The following JADE3 variants were observed in gnomAD, a reference collection of about 807,000 sequenced individuals.
The protein encoded by JADE3 is protein Jade-3.
In JADE3, 2 loss-of-function variants were observed where a neutral mutation model predicts 50.1. That is an observed-to-expected ratio of 0.04 (90% CI 0.02 to 0.13). The LOEUF (loss-of-function observed/expected upper bound fraction) is 0.13, where lower values mean the gene tolerates loss of function less well. Among genes scored for constraint, JADE3 ranks in the 10% least tolerant of loss-of-function variants. JADE3 has a pLI of 1.00. For synonymous variants in JADE3, 218 were observed against 232.9 expected, an observed-to-expected ratio of 0.94 and a Z score of 0.58; for missense variants, 475 against 634.4, an observed-to-expected ratio of 0.75 and a Z score of 2.70.
At chrX:47,017,222 C>T (rs1255707639) in intron 4 of JADE3, among the ~76,000 whole-genome samples, 3 of 111,118 alleles carry the variant, frequency 2.7e-5, no homozygotes, top group African/African-American at 9.9e-5. Flanking sequence ...GATTACAGAG[C>T]CATCTTGCAC....
At chrX:47,024,957 T>G (rs782597559) in intron 5 of JADE3, 43 bp downstream of exon 5, 13 of 795,063 alleles carry the variant, frequency 1.6e-5, no homozygotes, top group South Asian at 2.9e-5. Context: ...TAATTCATGT[T>G]TTTTTTTTAA....
chrX:46,933,185 A>G (rs1160072768), intron 1 of JADE3, among the ~76,000 whole-genome samples: 1 of 111,773 alleles, frequency 8.9e-6, no homozygotes, highest in Non-Finnish European at 1.9e-5. Context: ...GGCCCTGCAC[A>G]TCCCCATGTT....
chrX:46,999,487 A>ACATATATATACATAT (rs1556358444), intron 4 of JADE3, among the ~76,000 whole-genome samples: 16 of 103,157 alleles, frequency 1.6e-4, no homozygotes, highest in Admixed American at 3.3e-4. Context: ...ATATATATAA[A>ACATATATATACATAT]ATAGGGTCTT....
chrX:46,924,369 G>A (rs1926309413), intron 1 of JADE3, among the ~76,000 whole-genome samples: 3 of 112,410 alleles, frequency 2.7e-5, no homozygotes, highest in African/African-American at 9.7e-5. Flanking sequence ...CTCGGATCCT[G>A]TGTCTCCCTG....
intron 7 of JADE3, among the ~76,000 whole-genome samples, chrX:47,036,506 T>C (rs1929135622): frequency 9.3e-6 from 1 of 107,607 alleles, no homozygotes; most frequent in Admixed American, 1.0e-4. Context: ...TTTACACTGT[T>C]GGTGGGACTG....
At chrX:47,049,719 T>TA (rs1556371517) in intron 8 of JADE3, among the ~76,000 whole-genome samples, 1 of 108,789 alleles carries the variant, frequency 9.2e-6, no homozygotes, top group Admixed American at 9.8e-5. Context: ...GTGCTGGGAT[T>TA]ATAGGCGTGA....
At chrX:47,022,679 C>T (rs782291772) in intron 4 of JADE3, among the ~76,000 whole-genome samples, 42 of 111,679 alleles carry the variant, frequency 3.8e-4, no homozygotes, top group Non-Finnish European at 6.4e-4. Context: ...GTGTTTATTT[C>T]TTTTTTTAGA....
chrX:47,011,458 G>GT (rs1301492364), intron 4 of JADE3, among the ~76,000 whole-genome samples: 11 of 110,567 alleles, frequency 9.9e-5, no homozygotes, highest in East Asian at 2.8e-4. Flanking sequence ...TCCTCATACA[G>GT]TTTTTTTTTA....
intron 1 of JADE3, among the ~76,000 whole-genome samples, chrX:46,949,309 C>G (rs1926953620): frequency 8.9e-6 from 1 of 111,748 alleles, no homozygotes; most frequent in South Asian, 3.7e-4. Context: ...TAGTGCTTAT[C>G]TGAGCATTCT....
chrX:47,043,691 C>T (rs1024057960), intron 8 of JADE3, among the ~76,000 whole-genome samples: 9 of 109,184 alleles, frequency 8.2e-5, no homozygotes, highest in Admixed American at 2.0e-4. Flanking sequence ...TGGTGGTGGG[C>T]GCCTGTAGTC....
intron 8 of JADE3, among the ~76,000 whole-genome samples, chrX:47,040,898 C>G (rs1344574261): frequency 8.9e-6 from 1 of 112,062 alleles, no homozygotes; most frequent in African/African-American, 3.2e-5. Flanking sequence ...ACAATCTGGA[C>G]CCCCAAAGGC....
At chrX:46,991,475 G>A (rs1234421640) in intron 3 of JADE3, among the ~76,000 whole-genome samples, 3 of 111,165 alleles carry the variant, frequency 2.7e-5, no homozygotes, top group African/African-American at 9.8e-5. Context: ...CATTTGGGTT[G>A]TTTCCACTTT....
chrX:46,949,091 G>T (rs1556344191), intron 1 of JADE3, among the ~76,000 whole-genome samples: 1 of 110,173 alleles, frequency 9.1e-6, no homozygotes, highest in East Asian at 2.8e-4. Flanking sequence ...ATGCCACCAT[G>T]CCCGGCTAAT....
intron 1 of JADE3, among the ~76,000 whole-genome samples, chrX:46,968,153 C>A (rs1556349393): frequency 1.8e-5 from 2 of 111,852 alleles, no homozygotes; most frequent in African/African-American, 6.5e-5. Flanking sequence ...TAGGTTGATT[C>A]TTTCTCTTTC....
intron 1 of JADE3, among the ~76,000 whole-genome samples, chrX:46,983,892 T>C (rs1220857420): frequency 1.8e-5 from 2 of 111,440 alleles, no homozygotes; most frequent in East Asian, 5.6e-4. Context: ...CTCTGTGAGC[T>C]TTTTAATGTA....
At chrX:47,016,386 A>G (rs782443257) in intron 4 of JADE3, among the ~76,000 whole-genome samples, 2 of 112,044 alleles carry the variant, frequency 1.8e-5, no homozygotes, top group Non-Finnish European at 3.8e-5. Flanking sequence ...TACACTGCAC[A>G]GATTTCCATA....
chrX:46,964,728 G>A (rs1329772764), intron 1 of JADE3, among the ~76,000 whole-genome samples: 2 of 112,622 alleles, frequency 1.8e-5, no homozygotes, highest in Admixed American at 9.4e-5. Context: ...ATAAGTGAAT[G>A]GTCATGGGTG....
At chrX:46,949,752 C>T (rs1926963129) in intron 1 of JADE3, among the ~76,000 whole-genome samples, 1 of 111,832 alleles carries the variant, frequency 8.9e-6, no homozygotes, top group Non-Finnish European at 1.9e-5. Flanking sequence ...GAGGTAGCTA[C>T]TCCTATTCTG....
At chrX:46,940,455 T>C (rs1277669943) in intron 1 of JADE3, among the ~76,000 whole-genome samples, 1 of 111,772 alleles carries the variant, frequency 8.9e-6, no homozygotes, top group Non-Finnish European at 1.9e-5. Flanking sequence ...AGATAAAGGC[T>C]CTTATTTAAA....
Sources: allele counts gnomAD v4.1 joint callset (sites outside exome capture counted in the v4.1 genomes callset), GRCh38; gene constraint gnomAD v4.1.1; transcripts MANE v1.5; gene names NCBI Gene and HGNC (gene_info 2026-07-23, HGNC 2026-07-21).